The following BMP10 variants were observed in gnomAD, a reference collection of about 807,000 sequenced individuals.
The protein encoded by BMP10 is bone morphogenetic protein 10.
Under a neutral mutation model 29.9 loss-of-function variants are expected in BMP10, and 9 were observed. That is an observed-to-expected ratio of 0.30 (90% CI 0.18 to 0.53). BMP10 has a LOEUF of 0.53. Among genes scored for constraint, BMP10 ranks in the 20% least tolerant of loss-of-function variants. The probability of loss-of-function intolerance (pLI) is 0.96; values close to 1 mark genes in which losing one functional copy is unlikely to be tolerated. For missense variants in BMP10, 474 were observed against 524.3 expected (o/e 0.90, Z 0.94); for synonymous variants, 202 against 200.2 (o/e 1.01, Z -0.07).
In BMP10 at chr2:68,861,153, G is replaced by T. The variant is rs918851047; in HGVS notation, c.*4478C>A. ...TTATTTCCATCTTCATTTTAGTCTA[G>T]TGATAACTATACAAATGTGGACATG... On this transcript the variant is annotated 3_prime_UTR_variant, in exon 2 of 2. Coordinates refer to ENST00000295379, the MANE Select transcript of BMP10 (RefSeq NM_014482.3). Among the ~76,000 whole-genome samples the T allele has an allele frequency of 1.3e-5, 2 of 152,162 alleles. No homozygotes were observed. Among genetic ancestry groups the T allele is most frequent in the Non-Finnish European group, 2.9e-5 (2 of 68,030 alleles).
rs1682897558 is a variant in BMP10 at position 68,863,375 on chromosome 2, T to C, written c.*2256A>G. 6.6e-6 allele frequency among the ~76,000 whole-genome samples: 1 copy of C among 152,226 alleles called. No homozygotes were observed. Among genetic ancestry groups the C allele is most frequent in the African/African-American group, 2.4e-5 (1 of 41,464 alleles). On this transcript the variant is annotated 3_prime_UTR_variant, in exon 2 of 2. Coordinates refer to ENST00000295379, the MANE Select transcript of BMP10 (RefSeq NM_014482.3). ...TGCTTAATTTTTATCTAACCAGGACTATCCTGGTCAGCTGAGGTTTTACTG... is the reference window on the plus strand; with the variant it reads ...TGCTTAATTTTTATCTAACCAGGACCATCCTGGTCAGCTGAGGTTTTACTG...
intron 1 of BMP10, 98 bp downstream of exon 1, chr2:68,870,927 G>T: frequency 7.7e-6 from 8 of 1,041,930 alleles, no homozygotes; most frequent in African/African-American, 1.6e-5. Flanking sequence ...TCCTTATATA[G>T]ATGTATTTAC....
chr2:68,863,225 T>C lies in BMP10; in HGVS notation c.*2406A>G, dbSNP rs896458250. 1.4e-4 allele frequency among the ~76,000 whole-genome samples: 21 copies of C among 152,216 alleles called. No homozygotes were observed. Among genetic ancestry groups the C allele is most frequent in the African/African-American group, 4.8e-4 (20 of 41,456 alleles). ...TTGACATCACCTTGGCAGCTCAAGA[T>C]AGACCATGTAGGAGCGTTTGCAGCA... On this transcript the variant is annotated 3_prime_UTR_variant, in exon 2 of 2. Transcript: ENST00000295379.
chr2:68,869,611 C>G (rs1683033118), intron 1 of BMP10, among the ~76,000 whole-genome samples: 2 of 152,170 alleles, frequency 1.3e-5, no homozygotes, highest in Admixed American at 1.3e-4. Context: ...CACCCACACC[C>G]TGAGCCAGAC....
chr2:68,864,129 C>G lies in BMP10; in HGVS notation c.*1502G>C, dbSNP rs1267409795. On this transcript the variant is annotated 3_prime_UTR_variant, in exon 2 of 2. Coordinates refer to ENST00000295379, the MANE Select transcript of BMP10 (RefSeq NM_014482.3). The stretch of plus-strand genomic sequence containing the variant: ...GTGCAGAACACTTCCTCACCACTTT[C>G]AGTCCTGGCCAGTTGCAAAATGGGA... Among the ~76,000 whole-genome samples, 1 of 152,198 alleles carries G rather than the reference C, an allele frequency of 6.6e-6. No individual in the cohort carries two copies. The highest frequency in any genetic ancestry group is 2.4e-5 in the African/African-American group (1 of 41,454).
At chr2:68,869,734 C>T (rs1180321512) in intron 1 of BMP10, among the ~76,000 whole-genome samples, 2 of 152,142 alleles carry the variant, frequency 1.3e-5, no homozygotes, top group African/African-American at 4.8e-5. Flanking sequence ...TTGCCATTTC[C>T]ATGAGAAAGA....
Position 68,871,347 on chromosome 2 carries a change from C to A in BMP10, c.12G>T (p.Leu4=). The A allele has an allele frequency of 6.2e-7, 1 of 1,613,606 alleles. No individual in the cohort carries two copies. The highest frequency in any genetic ancestry group is 8.5e-7 in the Non-Finnish European group (1 of 1,179,772). The stretch of plus-strand genomic sequence containing the variant: ...AGAAAAGAGCGCACAGTGTCAGGAC[C>A]AGAGAGCCCATGACTCCGCTCGAGC... MGS[L]VLTLCALFCL... Residue 4 remains leucine (L), a synonymous_variant, in exon 1 of 2, where the codon CTG becomes CTT. Coordinates refer to ENST00000295379, the MANE Select transcript of BMP10 (RefSeq NM_014482.3).
At position 68,862,484 on chromosome 2, in the gene BMP10, G is replaced by A. The variant is rs1414669643; in HGVS notation, c.*3147C>T. Among the ~76,000 whole-genome samples the A allele has an allele frequency of 2.6e-5, 4 of 152,126 alleles. No homozygotes were observed. Among genetic ancestry groups the A allele is most frequent in the Non-Finnish European group, 5.9e-5 (4 of 68,030 alleles). ...TATATCAATCAATAAATAGTGGGAA[G>A]CCTAGAAACTCTTACATGAATATTT... On this transcript the variant is annotated 3_prime_UTR_variant, in exon 2 of 2. Transcript: ENST00000295379.
Position 68,871,279 on chromosome 2 carries a change from A to G in BMP10, c.80T>C (p.Leu27Pro). 6.2e-7 allele frequency: 1 copy of G among 1,614,154 alleles called. No homozygotes were observed. The highest frequency in any genetic ancestry group is 8.5e-7 in the Non-Finnish European group (1 of 1,180,006). Residue 27 changes from leucine (L) to proline (P), a missense_variant, in exon 1 of 2, where the codon CTA becomes CCA. Around this residue, in one of 2 missense-constraint regions of BMP10, gnomAD observed 408 missense variants for 415.3 expected, o/e 0.98. Coordinates refer to ENST00000295379, the MANE Select transcript of BMP10 (RefSeq NM_014482.3). ...ATCTTCTTCCAGAGGAGACTGCTCT[A>G]GGTTCATGATGGGGCTGCCAGAAAC... ...YLVSGSPIMN[L>P]EQSPLEEDMS...
In BMP10 at chr2:68,861,673, T is replaced by G. The variant is rs1682861982; in HGVS notation, c.*3958A>C. ...AGTTAAAAAGGTTTTGCCAGAACACTGCTAGGCTTCATAATCTGTTGATGA... is the reference window on the plus strand; with the variant it reads ...AGTTAAAAAGGTTTTGCCAGAACACGGCTAGGCTTCATAATCTGTTGATGA... On this transcript the variant is annotated 3_prime_UTR_variant, in exon 2 of 2. Coordinates refer to ENST00000295379, the MANE Select transcript of BMP10 (RefSeq NM_014482.3). Among the ~76,000 whole-genome samples, 1 of 152,230 alleles carries G rather than the reference T, an allele frequency of 6.6e-6. No individual in the cohort carries two copies. Among genetic ancestry groups the G allele is most frequent in the South Asian group, 2.1e-4 (1 of 4,836 alleles).
rs75794040 is a variant in BMP10 at position 68,863,024 on chromosome 2, G to A, written c.*2607C>T. Among the ~76,000 whole-genome samples, 3,850 of 152,240 alleles carry A rather than the reference G, an allele frequency of 0.025. 158 individuals are homozygous for A. Among genetic ancestry groups the A allele is most frequent in the African/African-American group, 0.087 (3,627 of 41,520 alleles). On this transcript the variant is annotated 3_prime_UTR_variant, in exon 2 of 2. Coordinates refer to ENST00000295379, the MANE Select transcript of BMP10 (RefSeq NM_014482.3). ...CGAGACAAGATTTCTCCAGAAGCCC[G>A]GAGCCAGCAGCGCACACAGTGGAAA...
At chr2:68,870,447 C>T (rs1274184959) in intron 1 of BMP10, among the ~76,000 whole-genome samples, 1 of 152,166 alleles carries the variant, frequency 6.6e-6, no homozygotes, top group Non-Finnish European at 1.5e-5. Context: ...AAACTGTAAA[C>T]AGTGCTTTAA....
In BMP10 at chr2:68,862,982, G is replaced by A. The variant is rs1286819504; in HGVS notation, c.*2649C>T. ...ATATTTTCATATCTCTTTAACAGAA[G>A]AGTGACTATAAGTGCTCGAGACAAG... On this transcript the variant is annotated 3_prime_UTR_variant, in exon 2 of 2. Coordinates refer to ENST00000295379, the MANE Select transcript of BMP10 (RefSeq NM_014482.3). 6.6e-6 allele frequency among the ~76,000 whole-genome samples: 1 copy of A among 152,222 alleles called. No individual in the cohort carries two copies. Among genetic ancestry groups the A allele is most frequent in the Non-Finnish European group, 1.5e-5 (1 of 68,046 alleles).
chr2:68,870,890 T>G, intron 1 of BMP10, 135 bp downstream of exon 1: 2 of 784,396 alleles, frequency 2.5e-6, no homozygotes, highest in Non-Finnish European at 2.0e-6. Context: ...ATGTGCCTTG[T>G]TTTTGTGTAT....
In BMP10 at chr2:68,866,144, G is replaced by A. The variant is rs764620390; in HGVS notation, c.762C>T (p.Ile254=). Residue 254 remains isoleucine (I), a synonymous_variant, in exon 2 of 2, where the codon ATC becomes ATT. Coordinates refer to ENST00000295379, the MANE Select transcript of BMP10 (RefSeq NM_014482.3). ...CACTGCTTTGGTCATCAGAAAACACGATGAGCAAAGGGTTATGCTTATTCT... is the reference window on the plus strand; with the variant it reads ...CACTGCTTTGGTCATCAGAAAACACAATGAGCAAAGGGTTATGCTTATTCT... ...SAQNKHNPLL[I]VFSDDQSSDK... 5 of 1,613,998 alleles carry A rather than the reference G, an allele frequency of 3.1e-6. No individual in the cohort carries two copies. The highest frequency in any genetic ancestry group is 1.3e-5 in the African/African-American group (1 of 75,004).
rs760326859 is a variant in BMP10, at chr2:68,865,898, C to A, written c.1008G>T (p.Gly336=). The change falls in exon 2 of 2, where the codon GGG becomes GGT. Residue 336 remains glycine, a synonymous_variant. Transcript: ENST00000295379. The surrounding 1 kb of genome is among the most constrained non-coding windows in gnomAD (Gnocchi z 4.7). ...TPLYIDFKEI[G]WDSWIIAPPG... Reference sequence around the variant, plus strand: ...GCGGAGCGATGATCCAGGAGTCCCACCCAATCTCCTTGAAGTCGATGTAGA... The same window carrying A: ...GCGGAGCGATGATCCAGGAGTCCCAACCAATCTCCTTGAAGTCGATGTAGA... The A allele has an allele frequency of 9.9e-6, 16 of 1,613,964 alleles. No homozygotes were observed. The highest frequency in any genetic ancestry group is 1.3e-5 in the Non-Finnish European group (15 of 1,179,988).
intron 1 of BMP10, among the ~76,000 whole-genome samples, chr2:68,870,021 A>G (rs1354912833): frequency 6.6e-6 from 1 of 152,156 alleles, no homozygotes; most frequent in East Asian, 1.9e-4. Flanking sequence ...ATTCACAACC[A>G]CTAAGCCAAC....
chr2:68,862,695 G>T lies in BMP10; in HGVS notation c.*2936C>A, dbSNP rs542165377. Among the ~76,000 whole-genome samples, 5 of 152,244 alleles carry T rather than the reference G, an allele frequency of 3.3e-5. No homozygotes were observed. The highest frequency in any genetic ancestry group is 2.1e-4 in the South Asian group (1 of 4,824). On this transcript the variant is annotated 3_prime_UTR_variant, in exon 2 of 2. Transcript: ENST00000295379. ...TTTTTAAGGATCTGACAATATTCTG[G>T]CTTCCTGTCAATGCAGGAGTTGAAA...
At chr2:68,866,624 C>T (rs1334653781) in intron 1 of BMP10, 53 bp from the exon 2 acceptor site, 1 of 1,409,250 alleles carries the variant, frequency 7.1e-7, no homozygotes, top group Non-Finnish European at 9.7e-7. Flanking sequence ...CAGGGAAAAA[C>T]AGATGCTTAT....
Sources: allele counts gnomAD v4.1 joint callset (sites outside exome capture counted in the v4.1 genomes callset), GRCh38; gene constraint gnomAD v4.1.1; regional missense constraint gnomAD v4.1.1; non-coding constraint Gnocchi (gnomAD v3.1); transcripts MANE v1.5; gene names NCBI Gene and HGNC (gene_info 2026-07-23, HGNC 2026-07-21).